Variants in EPHB1 observed in about 807,000 individuals in gnomAD.
EPHB1 encodes ephrin type-B receptor 1.
A neutral mutation model predicts 94.4 loss-of-function variants in EPHB1; 30 were observed. That is an observed-to-expected ratio of 0.32 (90% CI 0.24 to 0.43). The LOEUF (loss-of-function observed/expected upper bound fraction) is 0.43. EPHB1 is among the 20% of genes least tolerant of loss of function. The probability of loss-of-function intolerance (pLI) is 1.00; values close to 1 mark genes in which losing one functional copy is unlikely to be tolerated. For missense variants in EPHB1, 1,055 were observed against 1,308.3 expected, an observed-to-expected ratio of 0.81 and a Z score of 2.99; for synonymous variants, 522 against 489.1, an observed-to-expected ratio of 1.07 and a Z score of -0.89.
At chr3:134,924,694 A>C in intron 1 of EPHB1, among the ~76,000 whole-genome samples, 1 of 152,260 alleles carries the variant, frequency 6.6e-6, no homozygotes, top group East Asian at 1.9e-4. Context: ...GTGGCACATC[A>C]CACAAAAGAG....
intron 3 of EPHB1, among the ~76,000 whole-genome samples, chr3:134,991,390 G>T (rs369855493): frequency 1.3e-5 from 2 of 152,156 alleles, no homozygotes; most frequent in Non-Finnish European, 2.9e-5. Context: ...CGCAACCAGG[G>T]CTGGTCTTCC....
intron 3 of EPHB1, among the ~76,000 whole-genome samples, chr3:135,028,342 G>A (rs77762998): frequency 0.32 from 43,052 of 134,760 alleles, 7,695 homozygotes; most frequent in Non-Finnish European, 0.38. Flanking sequence ...GATCTCTCCT[G>A]CTTTCTCTTG....
chr3:134,901,938 A>G (rs563593704), intron 1 of EPHB1, among the ~76,000 whole-genome samples: 1 of 152,348 alleles, frequency 6.6e-6, no homozygotes, highest in African/African-American at 2.4e-5. Context: ...TGACTGGCCA[A>G]TAGGAAAGGA....
At chr3:135,243,074 C>CAAAAAAAAA (rs397933477) in intron 13 of EPHB1, among the ~76,000 whole-genome samples, 3 of 98,360 alleles carry the variant, frequency 3.1e-5, no homozygotes, top group African/African-American at 4.1e-5. Context: ...GACCCTGTCT[C>CAAAAAAAAA]AAAAAAAAAA....
intron 3 of EPHB1, among the ~76,000 whole-genome samples, chr3:135,037,812 A>C (rs1404021696): frequency 2.0e-5 from 3 of 152,150 alleles, no homozygotes; most frequent in African/African-American, 7.2e-5. Flanking sequence ...CAATTAATCT[A>C]TGTTCTTTGA....
chr3:134,904,171 G>A (rs1462893875), intron 1 of EPHB1, among the ~76,000 whole-genome samples: 1 of 152,206 alleles, frequency 6.6e-6, no homozygotes, highest in East Asian at 1.9e-4. Context: ...TTAGGAGCCT[G>A]TAGCTCCCAG....
At chr3:135,142,941 G>A (rs902841791) in intron 5 of EPHB1, among the ~76,000 whole-genome samples, 7 of 152,114 alleles carry the variant, frequency 4.6e-5, no homozygotes, top group African/African-American at 1.7e-4. Flanking sequence ...AGGAGATGGC[G>A]AGTGATGGTG....
intron 13 of EPHB1, among the ~76,000 whole-genome samples, chr3:135,242,198 G>A (rs1160506620): frequency 6.6e-6 from 1 of 152,118 alleles, no homozygotes; most frequent in African/African-American, 2.4e-5. Context: ...CCTCCCGTTG[G>A]AGCTGAGAGG....
intron 3 of EPHB1, among the ~76,000 whole-genome samples, chr3:135,070,185 A>T (rs1937657964): frequency 6.6e-6 from 1 of 152,160 alleles, no homozygotes; most frequent in African/African-American, 2.4e-5. Context: ...ATCCAACCTG[A>T]TACACAGAGT....
chr3:135,048,777 T>G (rs1937085516), intron 3 of EPHB1, among the ~76,000 whole-genome samples: 1 of 152,238 alleles, frequency 6.6e-6, no homozygotes. Flanking sequence ...AAAGGGCCAC[T>G]GTGTCTTCTG....
At chr3:135,114,097 G>A (rs1478321175) in intron 4 of EPHB1, among the ~76,000 whole-genome samples, 2 of 152,200 alleles carry the variant, frequency 1.3e-5, no homozygotes, top group East Asian at 3.9e-4. Context: ...AGGAAATGCT[G>A]TCTGTTTGGG....
At chr3:135,088,636 C>T (rs1403574651) in intron 3 of EPHB1, among the ~76,000 whole-genome samples, 2 of 152,140 alleles carry the variant, frequency 1.3e-5, no homozygotes, top group African/African-American at 4.8e-5. Context: ...ATCATGTCTA[C>T]TTTTCAGCCA....
Position 135,259,287 on chromosome 3 carries a change from T to G in EPHB1, c.*167T>G. On this transcript the variant is annotated 3_prime_UTR_variant, in exon 16 of 16. Coordinates refer to ENST00000398015, the MANE Select transcript of EPHB1 (RefSeq NM_004441.5). ...CTGTTGCTAGCAGGCAATCTCCATT[T>G]CTCAGTGACAGAAGCATGTTTGAGA... The G allele has an allele frequency of 1.9e-6, 1 of 518,218 alleles. No individual in the cohort carries two copies. 32.1% of individuals were successfully genotyped at this position (518,218 alleles called of 1,614,324 possible).
chr3:135,230,034 GT>G, intron 12 of EPHB1, among the ~76,000 whole-genome samples: 1 of 152,328 alleles, frequency 6.6e-6, no homozygotes, highest in Non-Finnish European at 1.5e-5. Flanking sequence ...GGAAGCTGTG[GT>G]CTCTTAGGAT....
chr3:134,816,563 T>A (rs934784416), intron 1 of EPHB1, among the ~76,000 whole-genome samples: 1 of 152,164 alleles, frequency 6.6e-6, no homozygotes, highest in African/African-American at 2.4e-5. Context: ...ATAGATGAGA[T>A]AAGGTGTTTA....
At chr3:135,223,913 T>G (rs1943331440) in intron 12 of EPHB1, among the ~76,000 whole-genome samples, 1 of 152,264 alleles carries the variant, frequency 6.6e-6, no homozygotes, top group African/African-American at 2.4e-5. Flanking sequence ...CATTTAGTTG[T>G]CATGTCTCTT....
At chr3:134,825,989 C>G (rs2108291655) in intron 1 of EPHB1, among the ~76,000 whole-genome samples, 1 of 151,748 alleles carries the variant, frequency 6.6e-6, no homozygotes, top group South Asian at 2.1e-4. Context: ...CACCTGTAAT[C>G]TCAGCACTTT....
intron 2 of EPHB1, among the ~76,000 whole-genome samples, chr3:134,941,752 GACAC>G (rs3067391): frequency 0.024 from 3,177 of 134,702 alleles, 51 homozygotes; most frequent in East Asian, 0.058. Context: ...TATGCACACA[GACAC>G]ACACACACAC....
intron 1 of EPHB1, among the ~76,000 whole-genome samples, chr3:134,864,831 T>C (rs958648983): frequency 1.3e-5 from 2 of 152,194 alleles, no homozygotes; most frequent in Non-Finnish European, 2.9e-5. Context: ...AGGCTGACCG[T>C]AGGGGAAGTG....
Sources: allele counts gnomAD v4.1 joint callset (sites outside exome capture counted in the v4.1 genomes callset), GRCh38; gene constraint gnomAD v4.1.1; transcripts MANE v1.5; gene names NCBI Gene and HGNC (gene_info 2026-07-23, HGNC 2026-07-21).